SAMD3: variants seen among roughly 807,000 people sequenced by gnomAD.
SAMD3 encodes sterile alpha motif domain containing 3.
A neutral mutation model predicts 58.5 loss-of-function variants in SAMD3; 63 were observed. The ratio of observed to expected loss-of-function variants is 1.08; its 90% CI spans 0.88 to 1.33. SAMD3 has a LOEUF of 1.33. Among genes scored for constraint, SAMD3 ranks in the 40% most tolerant of loss-of-function variants. The pLI, the probability that SAMD3 is intolerant of heterozygous loss-of-function variation, is 0.00. For synonymous variants in SAMD3, 220 were observed against 210.3 expected (o/e 1.05, Z -0.40); for missense variants, 604 against 608.4 (o/e 0.99, Z 0.08).
intron 2 of SAMD3, among the ~76,000 whole-genome samples, chr6:130,273,065 C>CT (rs869028028): frequency 2.3e-4 from 17 of 72,406 alleles, no homozygotes; most frequent in African/African-American, 7.0e-4. Flanking sequence ...TATTGAAGTT[C>CT]TTTTTTTTTA....
At chr6:130,292,267 C>CTTTTTT (rs1554271698) in intron 2 of SAMD3, among the ~76,000 whole-genome samples, 3 of 83,940 alleles carry the variant, frequency 3.6e-5, no homozygotes, top group African/African-American at 1.2e-4. Context: ...TTTTTTCTTT[C>CTTTTTT]TTTCTTTTTT....
intron 5 of SAMD3, among the ~76,000 whole-genome samples, chr6:130,186,767 A>ATTTTTTTTTTT (rs35592601): frequency 9.3e-6 from 1 of 107,036 alleles, no homozygotes; most frequent in Non-Finnish European, 1.8e-5. Flanking sequence ...CCTTCCTGGG[A>ATTTTTTTTTTT]TTTTTTTTTT....
chr6:130,361,592 T>A (rs1021324247), intron 1 of SAMD3, among the ~76,000 whole-genome samples: 59 of 152,234 alleles, frequency 3.9e-4, no homozygotes, highest in African/African-American at 1.4e-3. Flanking sequence ...ACAGATCTAA[T>A]AAAATTGTTA....
intron 5 of SAMD3, among the ~76,000 whole-genome samples, chr6:130,188,136 A>G (rs191478795): frequency 6.6e-6 from 1 of 152,338 alleles, no homozygotes; most frequent in East Asian, 1.9e-4. Flanking sequence ...TGACTCTCCA[A>G]CATTTTCTAA....
chr6:130,193,945 G>A (rs576352185), intron 5 of SAMD3, among the ~76,000 whole-genome samples: 76 of 151,924 alleles, frequency 5.0e-4, no homozygotes, highest in African/African-American at 1.5e-3. Context: ...AACCCCAAGC[G>A]TCACTGGGTC....
At chr6:130,187,898 T>C (rs1426361979) in intron 5 of SAMD3, among the ~76,000 whole-genome samples, 3 of 152,146 alleles carry the variant, frequency 2.0e-5, no homozygotes, top group Non-Finnish European at 4.4e-5. Context: ...CACAGTAGAA[T>C]CAACTAGGAA....
chr6:130,193,486 G>A (rs1273923093), intron 5 of SAMD3, among the ~76,000 whole-genome samples: 1 of 151,282 alleles, frequency 6.6e-6, no homozygotes, highest in Non-Finnish European at 1.5e-5. Flanking sequence ...CCTTATTTCT[G>A]TGCCCTGACC....
At chr6:130,238,108 T>C (rs1773227358) in intron 2 of SAMD3, among the ~76,000 whole-genome samples, 1 of 152,194 alleles carries the variant, frequency 6.6e-6, no homozygotes, top group South Asian at 2.1e-4. Context: ...GTTTTATAGT[T>C]CAAAGTATTC....
chr6:130,272,399 T>C (rs1273995269), intron 2 of SAMD3, among the ~76,000 whole-genome samples: 5 of 152,214 alleles, frequency 3.3e-5, no homozygotes, highest in African/African-American at 1.2e-4. Flanking sequence ...AGTCAGTATC[T>C]AACTTATTTA....
In SAMD3 at chr6:130,217,137, A is replaced by G. The variant is rs186157938; in HGVS notation, c.-67-521T>C. Among the ~76,000 whole-genome samples, 225 of 152,296 alleles carry G rather than the reference A, an allele frequency of 1.5e-3. 3 individuals are homozygous for G. The highest frequency in any genetic ancestry group is 5.1e-3 in the African/African-American group (214 of 41,554). The stretch of plus-strand genomic sequence containing the variant: ...ATCATACAAACATAATAAAATAAAA[A>G]AGCATATAGTTTTTGCCTAGTAGCT... On this transcript the variant is annotated intron_variant, in intron 1 of 11. Transcript: ENST00000439090.
intron 4 of SAMD3, among the ~76,000 whole-genome samples, chr6:130,210,271 C>CG (rs1456648760): frequency 7.2e-5 from 11 of 152,194 alleles, no homozygotes; most frequent in Non-Finnish European, 1.6e-4. Context: ...TGCTAAATAT[C>CG]CTGCCCAGAT....
intron 2 of SAMD3, among the ~76,000 whole-genome samples, chr6:130,272,569 G>A (rs141176629): frequency 9.3e-4 from 141 of 152,206 alleles, no homozygotes; most frequent in African/African-American, 3.2e-3. Context: ...AGGATTAATT[G>A]GCTAGTGATG....
At chr6:130,300,443 T>C (rs867284044) in intron 2 of SAMD3, among the ~76,000 whole-genome samples, 19 of 152,230 alleles carry the variant, frequency 1.2e-4, no homozygotes, top group Middle Eastern at 6.8e-3. Context: ...AAACTAGGCA[T>C]TAACAAACTA....
chr6:130,175,490 T>TA (rs1234278926), intron 8 of SAMD3, among the ~76,000 whole-genome samples: 2 of 152,044 alleles, frequency 1.3e-5, no homozygotes, highest in Non-Finnish European at 2.9e-5. Flanking sequence ...ATGTGAGTAT[T>TA]AAAAAACTTC....
At chr6:130,296,819 G>T (rs965158081) in intron 2 of SAMD3, among the ~76,000 whole-genome samples, 1 of 152,122 alleles carries the variant, frequency 6.6e-6, no homozygotes, top group Non-Finnish European at 1.5e-5. Flanking sequence ...CACTGTGGTG[G>T]GGAACCAAAG....
At chr6:130,147,495 T>A (rs1318897575) in intron 9 of SAMD3, among the ~76,000 whole-genome samples, 1 of 152,230 alleles carries the variant, frequency 6.6e-6, no homozygotes, top group Non-Finnish European at 1.5e-5. Context: ...TCTGACTTTT[T>A]ATGTTTTGAA....
At chr6:130,285,209 T>C (rs112392838) in intron 2 of SAMD3, among the ~76,000 whole-genome samples, 1 of 152,202 alleles carries the variant, frequency 6.6e-6, no homozygotes, top group Non-Finnish European at 1.5e-5. Context: ...TATATAAACA[T>C]GGAGCTTGAA....
chr6:130,333,844 C>T (rs1294769346), intron 1 of SAMD3, among the ~76,000 whole-genome samples: 1 of 152,166 alleles, frequency 6.6e-6, no homozygotes, highest in Non-Finnish European at 1.5e-5. Flanking sequence ...TGCTTCCATG[C>T]CACATGGAGG....
intron 8 of SAMD3, chr6:130,162,252 C>G (rs76832357): frequency 1.4e-6 from 1 of 701,756 alleles, no homozygotes; most frequent in African/African-American, 1.7e-5. Context: ...ATAGTTCTAG[C>G]CAACTTTTAG....
Sources: gnomAD v4.1 joint callset for allele counts (sites outside exome capture counted in the v4.1 genomes callset) on GRCh38, gnomAD v4.1.1 for gene constraint, MANE v1.5 for transcripts, NCBI Gene and HGNC (gene_info 2026-07-23, HGNC 2026-07-21) for gene names.